Variants in TMEM116 observed in about 807,000 individuals in gnomAD.
TMEM116 encodes transmembrane protein 116.
In TMEM116, 38 loss-of-function variants were observed where a neutral mutation model predicts 44.3. That is an observed-to-expected ratio of 0.86 (90% CI 0.66 to 1.12). TMEM116 has a LOEUF of 1.12. TMEM116 is among the 50% of genes most tolerant of loss of function. The pLI, the probability that TMEM116 is intolerant of heterozygous loss-of-function variation, is 0.00. For missense variants in TMEM116, 354 were observed against 401.7 expected, an observed-to-expected ratio of 0.88 and a Z score of 1.01; for synonymous variants, 132 against 144.8, an observed-to-expected ratio of 0.91 and a Z score of 0.64.
intron 4 of TMEM116, among the ~76,000 whole-genome samples, chr12:111,967,709 G>A (rs141772032): frequency 6.6e-6 from 1 of 151,996 alleles, no homozygotes; most frequent in African/African-American, 2.4e-5. Flanking sequence ...CTACATAGGT[G>A]GGGAAAAAAA....
rs191594970 is a variant in TMEM116 at position 111,979,974 on chromosome 12, T to C, written c.210+11784A>G. Among the ~76,000 whole-genome samples the C allele has an allele frequency of 2.6e-5, 4 of 152,342 alleles. No homozygotes were observed. In the East Asian group the frequency reaches 7.7e-4, roughly 29 times the overall value. On this transcript the variant is annotated intron_variant, in intron 4 of 10. Transcript: ENST00000552374. ...AGCAGTAGAAACTCTCATTTATTGC[T>C]GGTGGGAATGAAAGCGGGTACAGCC...
intron 4 of TMEM116, 122 bp downstream of exon 4, chr12:111,991,636 T>C: frequency 3.1e-6 from 3 of 981,956 alleles, no homozygotes; most frequent in South Asian, 2.4e-5. Flanking sequence ...ATAAAAGCTA[T>C]TGTTTCAAAA....
intron 4 of TMEM116, among the ~76,000 whole-genome samples, chr12:111,968,477 C>T (rs147271220): frequency 6.6e-6 from 1 of 152,158 alleles, no homozygotes; most frequent in Non-Finnish European, 1.5e-5. Context: ...ATATCTAGCA[C>T]CCAAGAAGAT....
chr12:112,007,759 A>G lies in TMEM116; in HGVS notation c.-33-2456T>C, dbSNP rs1465930057. Among the ~76,000 whole-genome samples, 4 of 152,224 alleles carry G rather than the reference A, an allele frequency of 2.6e-5. No individual in the cohort carries two copies. The East Asian group carries it at 7.7e-4, about 29-fold the overall frequency. ...ATGTTGCTCAGAGAACAGCCATGCC[A>G]AATTAGTCTGCTGCTCTTGCTAGGA... On this transcript the variant is annotated intron_variant, in intron 1 of 10. Coordinates refer to ENST00000552374, the MANE Select transcript of TMEM116 (RefSeq NM_001193531.2).
chr12:111,940,567 G>GTATATATATATATATATATA (rs138347540), intron 5 of TMEM116, among the ~76,000 whole-genome samples: 1 of 130,208 alleles, frequency 7.7e-6, no homozygotes, highest in African/African-American at 3.0e-5. Context: ...ATATATGTGT[G>GTATATATATATATATATATA]TATATATATA....
chr12:111,967,846 C>T (rs1371494623), intron 4 of TMEM116, among the ~76,000 whole-genome samples: 2 of 152,064 alleles, frequency 1.3e-5, no homozygotes, highest in African/African-American at 2.4e-5. Context: ...TTCAAGACAC[C>T]AGACATCAGA....
chr12:112,007,264 A>G (rs1435463463), intron 1 of TMEM116, among the ~76,000 whole-genome samples: 1 of 152,184 alleles, frequency 6.6e-6, no homozygotes, highest in African/African-American at 2.4e-5. Flanking sequence ...AAATACAAAT[A>G]TAAGCCAGGC....
chr12:111,984,477 A>G (rs2076115412), intron 4 of TMEM116, among the ~76,000 whole-genome samples: 1 of 152,126 alleles, frequency 6.6e-6, no homozygotes, highest in Non-Finnish European at 1.5e-5. Context: ...CAAAAAATAT[A>G]TATAGTAATG....
intron 9 of TMEM116, among the ~76,000 whole-genome samples, chr12:111,933,329 C>T (rs2071815055): frequency 6.6e-6 from 1 of 151,898 alleles, no homozygotes; most frequent in African/African-American, 2.4e-5. Context: ...AAGTCTGTCA[C>T]AATGTTTTCT....
intron 4 of TMEM116, among the ~76,000 whole-genome samples, chr12:111,985,793 C>T (rs2076195025): frequency 6.6e-6 from 1 of 151,970 alleles, no homozygotes; most frequent in Non-Finnish European, 1.5e-5. Context: ...GACGAGGTCT[C>T]GCCATGTTGC....
chr12:111,973,951 A>G (rs1000829123), intron 4 of TMEM116, among the ~76,000 whole-genome samples: 2 of 152,086 alleles, frequency 1.3e-5, no homozygotes, highest in African/African-American at 4.8e-5. Context: ...AAAATCCTAC[A>G]GTATATAAAA....
intron 4 of TMEM116, among the ~76,000 whole-genome samples, chr12:111,956,825 C>A (rs1233819679): frequency 6.6e-6 from 1 of 152,164 alleles, no homozygotes; most frequent in African/African-American, 2.4e-5. Context: ...CTCAATGTTG[C>A]CCAGGCTGGA....
At chr12:111,946,820 T>C (rs1160793329) in intron 4 of TMEM116, among the ~76,000 whole-genome samples, 2 of 152,214 alleles carry the variant, frequency 1.3e-5, no homozygotes, top group African/African-American at 4.8e-5. Context: ...TGTTCCATTA[T>C]TGGAATGCTA....
intron 3 of TMEM116, among the ~76,000 whole-genome samples, chr12:111,996,567 T>G (rs768652992): frequency 1.3e-5 from 2 of 152,180 alleles, no homozygotes; most frequent in Non-Finnish European, 2.9e-5. Context: ...CAGGACACTT[T>G]ATACACTGCT....
intron 3 of TMEM116, among the ~76,000 whole-genome samples, chr12:111,995,338 T>A (rs2076873374): frequency 6.6e-6 from 1 of 152,028 alleles, no homozygotes; most frequent in Non-Finnish European, 1.5e-5. Flanking sequence ...GCTTTTTCAA[T>A]CAGTGGAAAA....
At chr12:111,961,325 G>C (rs2074572892) in intron 4 of TMEM116, among the ~76,000 whole-genome samples, 3 of 152,184 alleles carry the variant, frequency 2.0e-5, no homozygotes, top group Admixed American at 2.0e-4. Context: ...CTCATTTTAT[G>C]AGGCCAGCAT....
At chr12:111,950,272 C>T (rs2073617234) in intron 4 of TMEM116, among the ~76,000 whole-genome samples, 1 of 152,016 alleles carries the variant, frequency 6.6e-6, no homozygotes, top group African/African-American at 2.4e-5. Context: ...AAACTACAAA[C>T]CAAGATGAGA....
At chr12:111,969,221 G>A (rs1219332769) in intron 4 of TMEM116, among the ~76,000 whole-genome samples, 1 of 150,650 alleles carries the variant, frequency 6.6e-6, no homozygotes, top group East Asian at 2.0e-4. Context: ...TCGGGAGGCT[G>A]AGGCAGGAGA....
intron 3 of TMEM116, among the ~76,000 whole-genome samples, chr12:111,998,655 C>A (rs764793337): frequency 1.3e-5 from 2 of 152,070 alleles, no homozygotes; most frequent in Non-Finnish European, 2.9e-5. Flanking sequence ...CCTGTCTCTA[C>A]TAAAAATACA....
Sources: gnomAD v4.1 joint callset for allele counts (sites outside exome capture counted in the v4.1 genomes callset) on GRCh38, gnomAD v4.1.1 for gene constraint, MANE v1.5 for transcripts, NCBI Gene and HGNC (gene_info 2026-07-23, HGNC 2026-07-21) for gene names.